Variants in ADGRV1 observed in about 807,000 individuals in gnomAD.
ADGRV1 encodes adhesion G protein-coupled receptor V1.
A neutral mutation model predicts 596.2 loss-of-function variants in ADGRV1; 359 were observed. The observed-to-expected ratio is 0.60, with a 90% CI of 0.55 to 0.66. The LOEUF (loss-of-function observed/expected upper bound fraction) is 0.66, where lower values mean the gene tolerates loss of function less well. ADGRV1 is among the 30% of genes least tolerant of loss of function. The pLI, the probability that ADGRV1 is intolerant of heterozygous loss-of-function variation, is 0.00. For missense variants in ADGRV1, 7,274 were observed against 7,575.6 expected (o/e 0.96, Z 1.48); for synonymous variants, 2,681 against 2,679.2 (o/e 1.00, Z -0.02).
At chr5:91,128,299 T>C (rs1470660606) in intron 87 of ADGRV1, among the ~76,000 whole-genome samples, 1 of 152,048 alleles carries the variant, frequency 6.6e-6, no homozygotes, top group Non-Finnish European at 1.5e-5. Flanking sequence ...TTTTCAACTT[T>C]ATGATGGGTT....
At chr5:90,998,764 T>C (rs1276916363) in intron 85 of ADGRV1, among the ~76,000 whole-genome samples, 1 of 152,190 alleles carries the variant, frequency 6.6e-6, no homozygotes, top group Non-Finnish European at 1.5e-5. Flanking sequence ...TGGCAGTGCC[T>C]GTTTCCCAAC....
At chr5:90,978,847 T>G (rs1779845658) in intron 84 of ADGRV1, among the ~76,000 whole-genome samples, 2 of 152,198 alleles carry the variant, frequency 1.3e-5, no homozygotes, top group African/African-American at 4.8e-5. Flanking sequence ...ATAAAATGTT[T>G]TAAATGCTCA....
chr5:90,580,127 G>C (rs866534334), intron 1 of ADGRV1, among the ~76,000 whole-genome samples: 1 of 152,072 alleles, frequency 6.6e-6, no homozygotes, highest in African/African-American at 2.4e-5. Flanking sequence ...GGTTAATATT[G>C]TTATGTGTGA....
In ADGRV1 at chr5:90,809,293, TAC is replaced by T. The variant is rs60659185; in HGVS notation, c.14973-907_14973-906del. ...GTGCTTACTCTAGGCCGGGCATAAATACACACACACACACACACACACACACA... is the reference window on the plus strand; with the variant it reads ...GTGCTTACTCTAGGCCGGGCATAAATACACACACACACACACACACACACA... On this transcript the variant is annotated intron_variant, in intron 73 of 89. Transcript: ENST00000405460. Among the ~76,000 whole-genome samples, 24 of 134,620 alleles carry T rather than the reference TAC, an allele frequency of 1.8e-4. No individual in the cohort carries two copies. The East Asian group carries it at 2.0e-3, about 11-fold the overall frequency. 88.3% of individuals were successfully genotyped at this position (134,620 alleles called of 152,430 possible). A position where few individuals can be genotyped will look rare whatever the true frequency, so the allele number is the denominator to read the frequency against.
chr5:90,580,326 G>C (rs1757839130), intron 1 of ADGRV1, among the ~76,000 whole-genome samples: 1 of 152,102 alleles, frequency 6.6e-6, no homozygotes, highest in Non-Finnish European at 1.5e-5. Context: ...AAATCTCTCA[G>C]CATTTGCTTG....
At chr5:91,113,491 G>A (rs1032789502) in intron 87 of ADGRV1, among the ~76,000 whole-genome samples, 5 of 152,160 alleles carry the variant, frequency 3.3e-5, no homozygotes, top group African/African-American at 9.7e-5. Flanking sequence ...GAAAATGGGT[G>A]TCCACAGCTC....
At chr5:90,812,586 G>C (rs909006258) in intron 74 of ADGRV1, among the ~76,000 whole-genome samples, 1 of 152,052 alleles carries the variant, frequency 6.6e-6, no homozygotes, top group Non-Finnish European at 1.5e-5. Flanking sequence ...TTTGAGATTT[G>C]ATGCTTCCTA....
At chr5:91,056,325 T>A (rs1431611467) in intron 85 of ADGRV1, among the ~76,000 whole-genome samples, 1 of 152,118 alleles carries the variant, frequency 6.6e-6, no homozygotes. Flanking sequence ...CACCAAACAG[T>A]GACCATGACC....
chr5:91,075,388 C>T (rs560463602), intron 86 of ADGRV1, among the ~76,000 whole-genome samples: 13 of 152,062 alleles, frequency 8.5e-5, no homozygotes, highest in Admixed American at 2.6e-4. Context: ...TGACTTAATT[C>T]TTTGAATGCC....
chr5:90,661,597 A>T (rs1770305760), intron 21 of ADGRV1, among the ~76,000 whole-genome samples: 1 of 152,194 alleles, frequency 6.6e-6, no homozygotes, highest in Non-Finnish European at 1.5e-5. Flanking sequence ...TATTTTTTCT[A>T]AGAAAATAGG....
At chr5:90,750,436 T>C in intron 52 of ADGRV1, 115 bp from the exon 53 acceptor site, 1 of 710,402 alleles carries the variant, frequency 1.4e-6, no homozygotes, top group Non-Finnish European at 2.3e-6. Flanking sequence ...TCACTTACTA[T>C]GTCATGTTGC....
intron 2 of ADGRV1, among the ~76,000 whole-genome samples, chr5:90,615,299 A>G (rs1294533541): frequency 6.6e-6 from 1 of 151,880 alleles, no homozygotes; most frequent in Non-Finnish European, 1.5e-5. Context: ...CATTTTGGGT[A>G]ATTTGGATTG....
At chr5:90,896,997 A>G (rs1371698927) in intron 83 of ADGRV1, among the ~76,000 whole-genome samples, 1 of 152,246 alleles carries the variant, frequency 6.6e-6, no homozygotes, top group Non-Finnish European at 1.5e-5. Flanking sequence ...TGGACAGGTT[A>G]GGAAATTTGA....
chr5:90,573,563 A>G (rs990841036), intron 1 of ADGRV1, among the ~76,000 whole-genome samples: 1 of 152,204 alleles, frequency 6.6e-6, no homozygotes, highest in South Asian at 2.1e-4. Context: ...GAAAAGGTGT[A>G]GTAAAAATAC....
rs140454361 is a variant in ADGRV1, at chr5:90,729,845, A to T, written c.10549+81A>T. ...ATTTTAATCTCATTGATTTAGATTT[A>T]GTATCACATTGCCAGACACTGGGTA... On this transcript the variant is annotated intron_variant, in intron 50 of 89. Coordinates refer to ENST00000405460, the MANE Select transcript of ADGRV1 (RefSeq NM_032119.4). The T allele has an allele frequency of 8.5e-4, 1,185 of 1,388,230 alleles. 18 individuals are homozygous for T. In the East Asian group the frequency reaches 0.023, roughly 27 times the overall value. 86.0% of individuals were successfully genotyped at this position (1,388,230 alleles called of 1,614,324 possible).
chr5:91,106,670 G>A (rs1256894003), intron 87 of ADGRV1, among the ~76,000 whole-genome samples: 5 of 152,140 alleles, frequency 3.3e-5, no homozygotes, highest in African/African-American at 9.7e-5. Context: ...GTGTGACAGA[G>A]GAACATCACT....
In ADGRV1 at chr5:90,865,345, T is replaced by C. The variant is rs181447146; in HGVS notation, c.17856+1488T>C. ...CTTTATTCACCACCCACTCTGGTGA[T>C]TTTTTGGCAGCAGAATTTGTACAAG... is the stretch of plus-strand genomic sequence containing the variant. On this transcript the variant is annotated intron_variant, in intron 83 of 89. Transcript: ENST00000405460. 7.9e-5 allele frequency among the ~76,000 whole-genome samples: 12 copies of C among 152,278 alleles called. No homozygotes were observed. In the East Asian group the frequency reaches 2.3e-3, roughly 29 times the overall value.
At chr5:90,628,106 C>T (rs66683260) in intron 7 of ADGRV1, among the ~76,000 whole-genome samples, 10,742 of 151,478 alleles carry the variant, frequency 0.071, 444 homozygotes, top group Non-Finnish European at 0.093. Context: ...TACTTTTTTC[C>T]GCCAGGCATG....
At chr5:91,025,552 A>G (rs181092082) in intron 85 of ADGRV1, among the ~76,000 whole-genome samples, 1 of 152,302 alleles carries the variant, frequency 6.6e-6, no homozygotes, top group East Asian at 1.9e-4. Context: ...AAGGAAGGGC[A>G]TGCTGTCAGA....
Sources: allele counts gnomAD v4.1 joint callset (sites outside exome capture counted in the v4.1 genomes callset), GRCh38; gene constraint gnomAD v4.1.1; transcripts MANE v1.5; gene names NCBI Gene and HGNC (gene_info 2026-07-23, HGNC 2026-07-21).